KIF2A: variants seen among roughly 807,000 people sequenced by gnomAD.
The protein encoded by KIF2A is kinesin-like protein KIF2A.
In KIF2A, 22 loss-of-function variants were observed where a neutral mutation model predicts 100.2. The observed-to-expected ratio is 0.22, with a 90% CI of 0.16 to 0.31. The LOEUF is 0.31. KIF2A is among the 10% of genes least tolerant of loss of function. The probability of loss-of-function intolerance (pLI) is 1.00; values close to 1 mark genes in which losing one functional copy is unlikely to be tolerated. For synonymous variants in KIF2A, 268 were observed against 285.9 expected, an observed-to-expected ratio of 0.94 and a Z score of 0.63; for missense variants, 495 against 898.7, an observed-to-expected ratio of 0.55 and a Z score of 5.74.
chr5:62,376,129 C>T (rs994750637), intron 18 of KIF2A, among the ~76,000 whole-genome samples: 1 of 152,136 alleles, frequency 6.6e-6, no homozygotes, highest in Non-Finnish European at 1.5e-5. Context: ...ATTATTGCAT[C>T]TATTGGGCCT....
At chr5:62,323,622 T>C (rs1746219294) in intron 1 of KIF2A, among the ~76,000 whole-genome samples, 1 of 152,232 alleles carries the variant, frequency 6.6e-6, no homozygotes, top group South Asian at 2.1e-4. Context: ...AGCTAGAATT[T>C]GTTTCAAAAT....
intron 18 of KIF2A, among the ~76,000 whole-genome samples, chr5:62,376,406 T>TTTTG (rs4024077): frequency 0.057 from 8,632 of 151,514 alleles, 319 homozygotes; most frequent in East Asian, 0.13. Flanking sequence ...GAGAAGTTTT[T>TTTTG]TTTGTTTGTT....
At chr5:62,311,822 T>C (rs990632583) in intron 1 of KIF2A, 1 of 152,242 alleles carries the variant, frequency 6.6e-6, no homozygotes, top group African/African-American at 2.4e-5. Flanking sequence ...TAGGGCTTAA[T>C]AGTTTTCCAA....
intron 2 of KIF2A, 55 bp downstream of exon 2, chr5:62,347,279 TAAAAC>T: frequency 1.1e-6 from 1 of 929,228 alleles, no homozygotes. Flanking sequence ...ATTCTGAATA[TAAAAC>T]AAAACAGAAA....
At chr5:62,349,264 T>C (rs1168553427) in intron 3 of KIF2A, among the ~76,000 whole-genome samples, 1 of 151,276 alleles carries the variant, frequency 6.6e-6, no homozygotes, top group Admixed American at 6.6e-5. Context: ...ATTTTAAAAA[T>C]AAGGATTTAT....
intron 1 of KIF2A, among the ~76,000 whole-genome samples, chr5:62,317,129 A>G: frequency 6.6e-6 from 1 of 151,742 alleles, no homozygotes; most frequent in East Asian, 1.9e-4. Flanking sequence ...GCTCACTGCA[A>G]CCTCTGCCTC....
At chr5:62,365,472 A>G (rs1741022011) in intron 15 of KIF2A, 119 bp downstream of exon 15, 6 of 560,098 alleles carry the variant, frequency 1.1e-5, no homozygotes, top group East Asian at 3.1e-5. Context: ...TTTGAGTGAT[A>G]TGGTGATATT....
intron 1 of KIF2A, among the ~76,000 whole-genome samples, chr5:62,345,742 T>C (rs1747533420): frequency 6.6e-6 from 1 of 152,158 alleles, no homozygotes; most frequent in Non-Finnish European, 1.5e-5. Context: ...TATAATAACA[T>C]TGTTTTCTGT....
intron 1 of KIF2A, among the ~76,000 whole-genome samples, chr5:62,345,203 C>A (rs1283319399): frequency 1.3e-5 from 2 of 152,090 alleles, no homozygotes; most frequent in Non-Finnish European, 2.9e-5. Context: ...GCCTGGCCAA[C>A]ATGGTGAAAC....
chr5:62,342,098 CTT>C (rs1159269166), intron 1 of KIF2A, among the ~76,000 whole-genome samples: 2 of 152,160 alleles, frequency 1.3e-5, no homozygotes, highest in Admixed American at 6.5e-5. Flanking sequence ...TTATTAAACT[CTT>C]TTACTTTCTC....
chr5:62,375,765 TTTGC>T (rs1399290162), intron 18 of KIF2A, among the ~76,000 whole-genome samples: 1 of 152,150 alleles, frequency 6.6e-6, no homozygotes, highest in Non-Finnish European at 1.5e-5. Flanking sequence ...GTATGGATAT[TTTGC>T]TTGTCACAAC....
chr5:62,352,314 T>C (rs1747894369), intron 4 of KIF2A, among the ~76,000 whole-genome samples: 1 of 152,128 alleles, frequency 6.6e-6, no homozygotes, highest in South Asian at 2.1e-4. Flanking sequence ...TTGGCTTTTA[T>C]GTAAATTATT....
chr5:62,342,239 T>C (rs1324251043), intron 1 of KIF2A, among the ~76,000 whole-genome samples: 2 of 152,264 alleles, frequency 1.3e-5, no homozygotes, highest in Non-Finnish European at 2.9e-5. Flanking sequence ...GTAGAGATGG[T>C]GATTGATGCG....
chr5:62,322,830 G>A (rs1222213089), intron 1 of KIF2A, among the ~76,000 whole-genome samples: 2 of 143,924 alleles, frequency 1.4e-5, no homozygotes, highest in South Asian at 2.2e-4. Context: ...CATTTAAATG[G>A]TAAATATGGT....
chr5:62,381,310 G>A (rs1741762067), intron 20 of KIF2A, 57 bp downstream of exon 20: 2 of 1,420,616 alleles, frequency 1.4e-6, no homozygotes, highest in Non-Finnish European at 2.0e-6. Flanking sequence ...ATGTATATTG[G>A]TGAGAGGGCT....
intron 1 of KIF2A, among the ~76,000 whole-genome samples, chr5:62,340,630 C>A (rs1561261684): frequency 6.6e-6 from 1 of 152,150 alleles, no homozygotes; most frequent in African/African-American, 2.4e-5. Flanking sequence ...AGGCTTGAAA[C>A]CTTCTTGTTA....
intron 1 of KIF2A, among the ~76,000 whole-genome samples, chr5:62,319,553 G>C (rs892392000): frequency 6.6e-6 from 1 of 152,160 alleles, no homozygotes. Context: ...AAAACTCATT[G>C]TATTGTATTA....
chr5:62,357,554 A>G, intron 7 of KIF2A, 137 bp from the exon 8 acceptor site: 1 of 478,600 alleles, frequency 2.1e-6, no homozygotes, highest in East Asian at 3.3e-5. Flanking sequence ...TGCAAAGCTA[A>G]TTTGTTTTTT....
intron 1 of KIF2A, among the ~76,000 whole-genome samples, chr5:62,323,991 G>A (rs377743350): frequency 6.6e-6 from 1 of 151,618 alleles, no homozygotes. Flanking sequence ...CTGTGTTCAT[G>A]CAACTGCGCT....
Sources: gnomAD v4.1 joint callset for allele counts (sites outside exome capture counted in the v4.1 genomes callset) on GRCh38, gnomAD v4.1.1 for gene constraint, MANE v1.5 for transcripts, NCBI Gene and HGNC (gene_info 2026-07-23, HGNC 2026-07-21) for gene names.